AMBRA1: variants seen among roughly 807,000 people sequenced by gnomAD.
AMBRA1 encodes the protein autophagy and beclin 1 regulator 1, also known as activating molecule in BECN1-regulated autophagy protein 1.
A neutral mutation model predicts 125.4 loss-of-function variants in AMBRA1; 47 were observed. The ratio of observed to expected loss-of-function variants is 0.37; its 90% CI spans 0.30 to 0.48. The LOEUF (loss-of-function observed/expected upper bound fraction) is 0.48, where lower values mean the gene tolerates loss of function less well. Ranked by LOEUF, AMBRA1 falls within the 20% of genes least tolerant of loss-of-function variation. The pLI is 0.99. For missense variants in AMBRA1, 1,331 were observed against 1,693.4 expected, an observed-to-expected ratio of 0.79 and a Z score of 3.76; for synonymous variants, 626 against 655.5, an observed-to-expected ratio of 0.95 and a Z score of 0.69.
intron 11 of AMBRA1, among the ~76,000 whole-genome samples, chr11:46,454,031 C>T (rs1338841899): frequency 1.3e-5 from 2 of 152,046 alleles, no homozygotes. Flanking sequence ...AGTCCACATG[C>T]AAATCATGAA....
intron 7 of AMBRA1, among the ~76,000 whole-genome samples, chr11:46,536,667 G>A (rs993408103): frequency 4.6e-5 from 7 of 152,148 alleles, no homozygotes; most frequent in Non-Finnish European, 4.4e-5. Context: ...TCAATGTTTG[G>A]GCCGAGGCCT....
At chr11:46,433,366 T>G in intron 14 of AMBRA1, 108 bp downstream of exon 14, 1 of 1,377,086 alleles carries the variant, frequency 7.3e-7, no homozygotes, top group Non-Finnish European at 9.8e-7. Flanking sequence ...TCCTTATGAC[T>G]GTGTGATAGC....
chr11:46,586,405 A>T (rs1311505875), intron 1 of AMBRA1, among the ~76,000 whole-genome samples: 1 of 152,136 alleles, frequency 6.6e-6, no homozygotes, highest in Non-Finnish European at 1.5e-5. Flanking sequence ...AAAAATAATA[A>T]AAAAATAATT....
At chr11:46,503,136 G>C (rs1950906216) in intron 9 of AMBRA1, among the ~76,000 whole-genome samples, 1 of 151,348 alleles carries the variant, frequency 6.6e-6, no homozygotes, top group South Asian at 2.1e-4. Context: ...AGCAGAAGAG[G>C]ACTAGCTTCT....
chr11:46,455,310 T>C (rs892054968), intron 11 of AMBRA1, among the ~76,000 whole-genome samples: 3 of 152,142 alleles, frequency 2.0e-5, no homozygotes, highest in African/African-American at 4.8e-5. Flanking sequence ...TCTCAAGCTC[T>C]ACTCATTAAA....
Position 46,397,299 on chromosome 11 carries a change from A to G in AMBRA1, c.*151T>C. 8.9e-7 allele frequency: 1 copy of G among 1,120,052 alleles called. No homozygotes were observed. The highest frequency in any genetic ancestry group is 1.2e-6 in the Non-Finnish European group (1 of 852,622). 69.4% of individuals were successfully genotyped at this position (1,120,052 alleles called of 1,614,324 possible). On this transcript the variant is annotated 3_prime_UTR_variant, in exon 18 of 18. Coordinates refer to ENST00000683756, the MANE Select transcript of AMBRA1 (RefSeq NM_001387011.1). ...TTGCCCATTTGACTGTCTTGTGCCC[A>G]CTGACTGATCTTCCTCTCCACCCTG...
intron 9 of AMBRA1, among the ~76,000 whole-genome samples, chr11:46,498,423 C>T (rs1950715511): frequency 6.6e-6 from 1 of 152,140 alleles, no homozygotes; most frequent in Non-Finnish European, 1.5e-5. Flanking sequence ...AGTTGCTGAA[C>T]TCTGTGCATC....
chr11:46,515,875 C>T (rs1160923807), intron 7 of AMBRA1, among the ~76,000 whole-genome samples: 1 of 152,284 alleles, frequency 6.6e-6, no homozygotes, highest in East Asian at 1.9e-4. Context: ...GGGGTTTCAC[C>T]ATGTTGGTCA....
intron 11 of AMBRA1, among the ~76,000 whole-genome samples, chr11:46,456,138 CAAAT>C (rs1330653546): frequency 2.0e-5 from 3 of 152,172 alleles, no homozygotes; most frequent in African/African-American, 7.2e-5. Context: ...AAGACAAAAA[CAAAT>C]AAGCTCACAA....
chr11:46,507,563 C>G (rs1951097649), intron 9 of AMBRA1, among the ~76,000 whole-genome samples: 1 of 152,002 alleles, frequency 6.6e-6, no homozygotes, highest in South Asian at 2.1e-4. Context: ...TCCCATGGCT[C>G]TCCCCGCTGA....
chr11:46,485,550 C>T (rs1187869087), intron 11 of AMBRA1, among the ~76,000 whole-genome samples: 1 of 152,176 alleles, frequency 6.6e-6, no homozygotes, highest in Non-Finnish European at 1.5e-5. Flanking sequence ...TGGGCTACTC[C>T]CTGGCTAGAC....
chr11:46,471,709 C>A (rs1949600042), intron 11 of AMBRA1, among the ~76,000 whole-genome samples: 2 of 151,610 alleles, frequency 1.3e-5, no homozygotes, highest in Admixed American at 1.3e-4. Flanking sequence ...CACACTGCAA[C>A]CTCCACCTCC....
Position 46,589,458 on chromosome 11 carries a change from T to G in AMBRA1, c.-121+4370A>C, listed in dbSNP as rs191541459. ...GTGATTAAAGGAACCTAAGTTTTTT[T>G]GGGGTAAACCAAACCACTGGGCAAA... On this transcript the variant is annotated intron_variant, in intron 1 of 17. Coordinates refer to ENST00000683756, the MANE Select transcript of AMBRA1 (RefSeq NM_001387011.1). Among the ~76,000 whole-genome samples the G allele has an allele frequency of 2.9e-3, 438 of 152,286 alleles. 2 individuals carry two copies. The highest frequency in any genetic ancestry group is 9.8e-3 in the African/African-American group (408 of 41,552).
In AMBRA1 at chr11:46,433,552, C is replaced by A; in HGVS notation, c.2898G>T (p.Leu966=). ...VMVGLASRRI[L]LHPSTEHMVA... Reference sequence around the variant, plus strand: ...CCATGTGCTCTGTGGAGGGGTGCAGCAGGATCCTTCGTGAGGCCAAGCCCA... The same window carrying A: ...CCATGTGCTCTGTGGAGGGGTGCAGAAGGATCCTTCGTGAGGCCAAGCCCA... The change falls in exon 14 of 18, where the codon CTG becomes CTT. Residue 966 remains leucine (L), a synonymous_variant. Transcript: ENST00000683756. 6.2e-7 allele frequency: 1 copy of A among 1,614,182 alleles called. No homozygotes were observed. The highest frequency in any genetic ancestry group is 1.3e-5 in the African/African-American group (1 of 75,042).
chr11:46,408,109 A>G (rs185089612), intron 17 of AMBRA1, among the ~76,000 whole-genome samples: 12 of 152,316 alleles, frequency 7.9e-5, no homozygotes, highest in Non-Finnish European at 1.8e-4. Context: ...AGGTCCTCCC[A>G]TGGGGCAGTC....
chr11:46,452,352 T>C (rs1262362915), intron 11 of AMBRA1, among the ~76,000 whole-genome samples: 1 of 152,108 alleles, frequency 6.6e-6, no homozygotes, highest in Non-Finnish European at 1.5e-5. Flanking sequence ...GTTGTTGTTG[T>C]TGTTGTTTGT....
intron 12 of AMBRA1, among the ~76,000 whole-genome samples, chr11:46,442,318 T>C (rs1948056973): frequency 6.6e-6 from 1 of 152,012 alleles, no homozygotes; most frequent in Non-Finnish European, 1.5e-5. Context: ...AATTTTTGTA[T>C]TTTTAGTAGA....
chr11:46,443,431 C>A, intron 12 of AMBRA1, 57 bp downstream of exon 12: 1 of 1,447,430 alleles, frequency 6.9e-7, no homozygotes, highest in Non-Finnish European at 9.7e-7. Flanking sequence ...TTTTTGAGTT[C>A]TGGCTCACCA....
intron 1 of AMBRA1, among the ~76,000 whole-genome samples, chr11:46,583,408 A>T (rs1591188799): frequency 6.6e-6 from 1 of 151,822 alleles, no homozygotes; most frequent in South Asian, 2.1e-4. Flanking sequence ...CTAGAAGAAA[A>T]CCTAGGCATT....
Sources: gnomAD v4.1 joint callset for allele counts (sites outside exome capture counted in the v4.1 genomes callset) on GRCh38, gnomAD v4.1.1 for gene constraint, MANE v1.5 for transcripts, NCBI Gene and HGNC (gene_info 2026-07-23, HGNC 2026-07-21) for gene names.